Variants in BORA observed in about 807,000 individuals in gnomAD.
BORA encodes BORA aurora kinase A activator, also known as protein aurora borealis.
Under a neutral mutation model 55.8 loss-of-function variants are expected in BORA, and 26 were observed. The observed-to-expected ratio is 0.47, with a 90% confidence interval of 0.34 to 0.65. The LOEUF (loss-of-function observed/expected upper bound fraction) is 0.65. Ranked by LOEUF, BORA falls within the 30% of genes least tolerant of loss-of-function variation. The probability of loss-of-function intolerance (pLI) is 0.01; values close to 1 mark genes in which losing one functional copy is unlikely to be tolerated. For missense variants in BORA, 568 were observed against 671.5 expected (o/e 0.85, Z 1.70); for synonymous variants, 201 against 216.9 (o/e 0.93, Z 0.64).
At chr13:72,750,787 T>C (rs184836529) in intron 10 of BORA, among the ~76,000 whole-genome samples, 63 of 152,220 alleles carry the variant, frequency 4.1e-4, no homozygotes, top group African/African-American at 1.5e-3. Flanking sequence ...ATAATAGATA[T>C]CGTCATCTGT....
rs142773402 is a variant in BORA, at chr13:72,751,964, G to A, written c.1483-1726G>A. 1.2e-3 allele frequency among the ~76,000 whole-genome samples: 186 copies of A among 152,210 alleles called. 1 individual carries two copies. The highest frequency in any genetic ancestry group is 1.8e-3 in the Admixed American group (28 of 15,288). ...GGGGACTGAGAATGATGAGGGAAGGGCTAAAGTGCTGGGCCCAGATGTCAA... is the reference window on the plus strand; with the variant it reads ...GGGGACTGAGAATGATGAGGGAAGGACTAAAGTGCTGGGCCCAGATGTCAA... On this transcript the variant is annotated intron_variant, in intron 10 of 11. Coordinates refer to ENST00000390667, the MANE Select transcript of BORA (RefSeq NM_024808.5).
chr13:72,754,944 G>A (rs530101899), intron 11 of BORA: 6 of 494,160 alleles, frequency 1.2e-5, no homozygotes, highest in Admixed American at 3.5e-5. Context: ...AAACTCCTGG[G>A]CTCGTGCGAT....
chr13:72,728,244 C>T (rs1344688407), intron 1 of BORA: 1 of 707,878 alleles, frequency 1.4e-6, no homozygotes, highest in South Asian at 1.5e-5. Context: ...GACTCTTTTC[C>T]ACCCCACCCC....
At chr13:72,755,109 C>T (rs2033414861) in intron 11 of BORA, 42 bp from the exon 12 acceptor site, 1 of 1,560,140 alleles carries the variant, frequency 6.4e-7, no homozygotes, top group Non-Finnish European at 8.8e-7. Context: ...CTCCAGTGGT[C>T]CTACTTAAAC....
intron 10 of BORA, among the ~76,000 whole-genome samples, chr13:72,748,873 T>C (rs1176184977): frequency 6.6e-6 from 1 of 152,202 alleles, no homozygotes; most frequent in Non-Finnish European, 1.5e-5. Context: ...TTGTAGTCAC[T>C]ACTAACTTGT....
intron 10 of BORA, among the ~76,000 whole-genome samples, chr13:72,748,796 A>C (rs1056154202): frequency 1.2e-4 from 19 of 152,016 alleles, no homozygotes; most frequent in Non-Finnish European, 2.8e-4. Flanking sequence ...CTTTTGTTGA[A>C]ATACACCTTA....
intron 4 of BORA, among the ~76,000 whole-genome samples, chr13:72,735,735 G>A (rs1408023625): frequency 2.0e-5 from 3 of 151,804 alleles, no homozygotes; most frequent in Admixed American, 1.3e-4. Flanking sequence ...TCAGTCTCCC[G>A]AGTAGCTGGG....
chr13:72,744,601 C>G, intron 7 of BORA, 40 bp downstream of exon 7: 1 of 1,478,354 alleles, frequency 6.8e-7, no homozygotes. Context: ...TAACTTGAAC[C>G]AAAGGTTTTG....
intron 10 of BORA, among the ~76,000 whole-genome samples, chr13:72,751,830 A>G (rs2033283893): frequency 6.6e-6 from 1 of 152,230 alleles, no homozygotes; most frequent in Admixed American, 6.5e-5. Flanking sequence ...ATATCAAAAT[A>G]TCATGTACAT....
At chr13:72,729,343 A>G (rs138351016) in intron 2 of BORA, among the ~76,000 whole-genome samples, 1 of 152,062 alleles carries the variant, frequency 6.6e-6, no homozygotes, top group African/African-American at 2.4e-5. Flanking sequence ...GGGTGTAGCT[A>G]CATTCTGTGG....
intron 10 of BORA, among the ~76,000 whole-genome samples, chr13:72,751,188 T>C (rs1424904596): frequency 6.6e-6 from 1 of 152,158 alleles, no homozygotes; most frequent in Non-Finnish European, 1.5e-5. Flanking sequence ...ACAGCTATTA[T>C]GGAAGTTCCT....
chr13:72,733,441 C>T (rs1356324181), intron 3 of BORA, among the ~76,000 whole-genome samples: 1 of 152,186 alleles, frequency 6.6e-6, no homozygotes, highest in Non-Finnish European at 1.5e-5. Context: ...AGGATGCTCT[C>T]CCCTGTATGA....
At position 72,745,944 on chromosome 13, in the gene BORA, G is replaced by A; in HGVS notation, c.739G>A (p.Gly247Arg). The stretch of plus-strand genomic sequence containing the variant: ...TATTTACTATTTAATTTTATTACAG[G>A]GGCAGTTTTCTTCTAGCCCTATTCA... ...CRSPLQTPSS[G>R]QFSSSPIQAS... The change falls in exon 9 of 12, where the codon GGG becomes AGG. Residue 247 changes from glycine to arginine, a missense_variant and splice_region_variant. Coordinates refer to ENST00000390667, the MANE Select transcript of BORA (RefSeq NM_024808.5). 2 of 1,603,006 alleles carry A rather than the reference G, an allele frequency of 1.2e-6. No individual in the cohort carries two copies. Among genetic ancestry groups the A allele is most frequent in the Admixed American group, 3.5e-5 (2 of 57,788 alleles).
In BORA at chr13:72,746,851, C is replaced by T. The variant is rs747120676; in HGVS notation, c.1222C>T (p.Gln408Ter). The T allele has an allele frequency of 3.1e-6, 5 of 1,614,148 alleles. No homozygotes were observed. The highest frequency in any genetic ancestry group is 3.3e-5 in the Admixed American group (2 of 60,012). ...HLVVTAMSVT[Q>*]NQSSASEKEL... Reference sequence around the variant, plus strand: ...GGTTGTGACTGCCATGTCTGTTACACAAAATCAGTCCAGTGCTTCTGAGAA... The same window carrying T: ...GGTTGTGACTGCCATGTCTGTTACATAAAATCAGTCCAGTGCTTCTGAGAA... The change falls in exon 10 of 12, where the codon CAA becomes TAA. Residue 408 changes from glutamine (Q) to a stop codon, truncating the protein, a stop_gained. Transcript: ENST00000390667. LOFTEE classifies it high-confidence loss of function.
intron 11 of BORA, 65 bp from the exon 12 acceptor site, chr13:72,755,086 C>T (rs972016211): frequency 1.7e-5 from 24 of 1,396,350 alleles, no homozygotes; most frequent in South Asian, 2.3e-5. Context: ...AAAACAGTCC[C>T]GATAATTGCA....
Position 72,729,058 on chromosome 13 carries a change from G to A in BORA, c.118G>A (p.Ala40Thr), listed in dbSNP as rs368189157. The change falls in exon 2 of 12, where the codon GCC becomes ACC. Residue 40 changes from alanine (A) to threonine (T), a missense_variant. Physicochemically the swap from Ala to Thr is moderately conservative, Grantham distance 58 (BLOSUM62 0). Coordinates refer to ENST00000390667, the MANE Select transcript of BORA (RefSeq NM_024808.5). ...TTCTAATCTCCATGAACAAACTCTC[G>A]CCAGTCCTTCTGTTTTTAAATCAAC... ...DYSNLHEQTL[A>T]SPSVFKSTKL... The A allele has an allele frequency of 3.2e-5, 51 of 1,584,746 alleles. No individual in the cohort carries two copies. Among genetic ancestry groups the A allele is most frequent in the African/African-American group, 1.6e-4 (12 of 72,996 alleles).
Position 72,755,859 on chromosome 13 carries a change from T to A in BORA, c.*643T>A, listed in dbSNP as rs1466124632. The stretch of plus-strand genomic sequence containing the variant: ...TATTGTTATCTATGGGGCAAATGTG[T>A]GGTGCCCAGAATAAAATATACCTCA... On this transcript the variant is annotated 3_prime_UTR_variant, in exon 12 of 12. Coordinates refer to ENST00000390667, the MANE Select transcript of BORA (RefSeq NM_024808.5). 7.5e-6 allele frequency: 3 copies of A among 398,406 alleles called. No homozygotes were observed. Among genetic ancestry groups the A allele is most frequent in the African/African-American group, 6.2e-5 (3 of 48,586 alleles). 24.7% of individuals were successfully genotyped at this position (398,406 alleles called of 1,614,324 possible).
At chr13:72,749,234 GT>G (rs2033214395) in intron 10 of BORA, among the ~76,000 whole-genome samples, 1 of 152,182 alleles carries the variant, frequency 6.6e-6, no homozygotes. Flanking sequence ...AGCTATTTCA[GT>G]GCTTAATCTT....
chr13:72,731,133 T>C (rs2138039416), intron 2 of BORA, 148 bp from the exon 3 acceptor site: 1 of 596,564 alleles, frequency 1.7e-6, no homozygotes, highest in African/African-American at 1.9e-5. Flanking sequence ...CCCTTTGCCA[T>C]TTAATTTCAT....
Sources: gnomAD v4.1 joint callset for allele counts (sites outside exome capture counted in the v4.1 genomes callset) on GRCh38, gnomAD v4.1.1 for gene constraint, MANE v1.5 for transcripts, NCBI Gene and HGNC (gene_info 2026-07-23, HGNC 2026-07-21) for gene names.